Variants in RUBCNL observed in about 807,000 individuals in gnomAD.
The protein encoded by RUBCNL is protein associated with UVRAG as autophagy enhancer.
Under a neutral mutation model 69.5 loss-of-function variants are expected in RUBCNL, and 62 were observed. The observed-to-expected ratio is 0.89, with a 90% CI of 0.73 to 1.10. RUBCNL has a LOEUF of 1.10. Ranked by LOEUF, RUBCNL falls within the 50% of genes least tolerant of loss-of-function variation. RUBCNL has a pLI of 0.00. For missense variants in RUBCNL, 768 were observed against 798.1 expected, an observed-to-expected ratio of 0.96 and a Z score of 0.45; for synonymous variants, 291 against 303.6, an observed-to-expected ratio of 0.96 and a Z score of 0.43.
chr13:46,343,277 T>C lies in RUBCNL; in HGVS notation c.*108A>G. ...ATAAAGAGAATATAGACCATCTTTT[T>C]CCTTAATATACAATACCCAATATCT... On this transcript the variant is annotated 3_prime_UTR_variant, in exon 15 of 15. Transcript: ENST00000429979. The C allele has an allele frequency of 2.0e-6, 3 of 1,505,150 alleles. No homozygotes were observed. Among genetic ancestry groups the C allele is most frequent in the Non-Finnish European group, 2.7e-6 (3 of 1,107,638 alleles). The allele number at this position is 1,505,150 out of a possible 1,614,324, so 93.2% of individuals were successfully genotyped here. A position where few individuals can be genotyped will look rare whatever the true frequency, so the allele number is the denominator to read the frequency against.
chr13:46,363,120 A>G lies in RUBCNL; in HGVS notation c.920T>C (p.Ile307Thr), dbSNP rs757163130. The G allele has an allele frequency of 3.8e-6, 6 of 1,594,276 alleles. No homozygotes were observed. In the Admixed American group the frequency reaches 7.0e-5, roughly 19 times the overall value. The change falls in exon 6 of 15, where the codon ATT becomes ACT. Residue 307 changes from isoleucine (I) to threonine (T), a missense_variant. Coordinates refer to ENST00000429979, the MANE Select transcript of RUBCNL (RefSeq NM_025113.5). Reference sequence around the variant, plus strand: ...AAACAGTTTCCAAATCTTACCTAAAATAACAAATTCATCAACATCGCATTT... The same window carrying G: ...AAACAGTTTCCAAATCTTACCTAAAGTAACAAATTCATCAACATCGCATTT... ...ICKCDVDEFV[I>T]LELGDFNDIT...
chr13:46,356,071 A>C (rs1048204372), intron 10 of RUBCNL, among the ~76,000 whole-genome samples: 2 of 152,226 alleles, frequency 1.3e-5, no homozygotes, highest in African/African-American at 4.8e-5. Flanking sequence ...ATGTGAAAGA[A>C]GCAAAGGAAT....
rs1208985897 is a variant in RUBCNL at position 46,335,023 on chromosome 13, G to A, written c.*8362C>T. Among the ~76,000 whole-genome samples the A allele has an allele frequency of 5.9e-5, 9 of 151,980 alleles. No homozygotes were observed. The highest frequency in any genetic ancestry group is 1.4e-4 in the African/African-American group (6 of 41,394). ...GAAGAGAGGAACAGCTCAGGAAGTGGTGCAGGTCAAGCCCAACAGGAAACC... is the reference window on the plus strand; with the variant it reads ...GAAGAGAGGAACAGCTCAGGAAGTGATGCAGGTCAAGCCCAACAGGAAACC... On this transcript the variant is annotated 3_prime_UTR_variant, in exon 15 of 15. Coordinates refer to ENST00000429979, the MANE Select transcript of RUBCNL (RefSeq NM_025113.5).
chr13:46,357,332 C>CAAA (rs750289413), intron 9 of RUBCNL, among the ~76,000 whole-genome samples: 12 of 53,226 alleles, frequency 2.3e-4, no homozygotes, highest in East Asian at 5.6e-4. Flanking sequence ...GACTCCGTCT[C>CAAA]AAAAAAAAAA....
intron 14 of RUBCNL, 53 bp from the exon 15 acceptor site, chr13:46,343,550 T>C: frequency 6.4e-7 from 1 of 1,567,922 alleles, no homozygotes; most frequent in African/African-American, 1.4e-5. Flanking sequence ...TTTTCTCACA[T>C]TTCTGCAGAC....
chr13:46,368,138 A>C lies in RUBCNL; in HGVS notation c.730T>G (p.Leu244Val). 2 of 1,613,976 alleles carry C rather than the reference A, an allele frequency of 1.2e-6. No homozygotes were observed. The highest frequency in any genetic ancestry group is 1.7e-6 in the Non-Finnish European group (2 of 1,179,860). ...GAGTCAGGCTGATCACTCCCAAGTA[A>C]CCCACTGACTTCTTTACTCCAGCTC... ...TESWSKEVSG[L>V]LGSDQPDSEM... is the part of the protein sequence containing the mutation. The change falls in exon 5 of 15, where the codon TTA becomes GTA. Residue 244 changes from leucine to valine, a missense_variant. By Grantham distance (32) the Leu-to-Val change is conservative. Transcript: ENST00000429979.
At chr13:46,348,199 G>T (rs2048290580) in intron 12 of RUBCNL, among the ~76,000 whole-genome samples, 1 of 152,180 alleles carries the variant, frequency 6.6e-6, no homozygotes, top group Non-Finnish European at 1.5e-5. Context: ...GGAATGGGGA[G>T]TTGTTAAATG....
rs781252467 is a variant in RUBCNL at position 46,359,628 on chromosome 13, C to T, written c.1123G>A (p.Val375Ile). The change falls in exon 9 of 15, where the codon GTA (valine) becomes ATA (isoleucine). Residue 375 changes from valine to isoleucine, a missense_variant. Physicochemically the swap from Val to Ile is conservative, Grantham distance 29 (BLOSUM62 3). Coordinates refer to ENST00000429979, the MANE Select transcript of RUBCNL (RefSeq NM_025113.5). ...GSLSAAGSIV[V>I]NEECVRKDFE... ...TCTTTTCGGACACACTCTTCATTTA[C>T]GACCTGCATAAGACATAAAATGATT... is the stretch of plus-strand genomic sequence containing the variant. The T allele has an allele frequency of 3.5e-5, 56 of 1,583,060 alleles. No homozygotes were observed. The highest frequency in any genetic ancestry group is 1.7e-4 in the Middle Eastern group (1 of 6,018).
intron 12 of RUBCNL, among the ~76,000 whole-genome samples, chr13:46,347,797 C>T (rs964962307): frequency 1.3e-5 from 2 of 152,122 alleles, no homozygotes; most frequent in African/African-American, 4.8e-5. Flanking sequence ...CGAGACCATC[C>T]TGGCTAACAT....
intron 9 of RUBCNL, among the ~76,000 whole-genome samples, chr13:46,357,257 C>T (rs536765475): frequency 2.8e-5 from 4 of 144,826 alleles, no homozygotes; most frequent in South Asian, 2.3e-4. Flanking sequence ...GGCGTGAACC[C>T]GGGAGACGGA....
rs189505179 is a variant in RUBCNL, at chr13:46,339,275, G to A, written c.*4110C>T. Among the ~76,000 whole-genome samples the A allele has an allele frequency of 2.6e-5, 4 of 152,216 alleles. No individual in the cohort carries two copies. The highest frequency in any genetic ancestry group is 6.8e-3 in the Middle Eastern group (2 of 294). The stretch of plus-strand genomic sequence containing the variant: ...TAGTTTCTAGTGAAGTGAAAAAGGG[G>A]AACTACGGTTTTCCTTCCCATACCA... On this transcript the variant is annotated 3_prime_UTR_variant, in exon 15 of 15. Coordinates refer to ENST00000429979, the MANE Select transcript of RUBCNL (RefSeq NM_025113.5).
intron 1 of RUBCNL, among the ~76,000 whole-genome samples, chr13:46,385,666 C>CAAA (rs5803337): frequency 1.8e-4 from 22 of 119,176 alleles, no homozygotes; most frequent in African/African-American, 5.3e-4. Context: ...AAAGATCATG[C>CAAA]AAAAAAAAAA....
chr13:46,387,348 C>T (rs2138870941), upstream of RUBCNL: 1 of 985,566 alleles, frequency 1.0e-6, no homozygotes, highest in Non-Finnish European at 1.2e-6. Context: ...CTAGAAGCTC[C>T]TCAGGGAAGC....
Position 46,372,535 on chromosome 13 carries a change from T to C in RUBCNL, c.-60A>G, listed in dbSNP as rs1485334068. 6.6e-6 allele frequency: 10 copies of C among 1,519,876 alleles called. 1 individual carries two copies. The highest frequency in any genetic ancestry group is 6.3e-5 in the South Asian group (5 of 79,008). 94.1% of individuals were successfully genotyped at this position (1,519,876 alleles called of 1,614,324 possible). A position where few individuals can be genotyped will look rare whatever the true frequency, so the allele number is the denominator to read the frequency against. On this transcript the variant is annotated 5_prime_UTR_variant, in exon 3 of 15. Transcript: ENST00000429979. ...AAACAGATAGGAGTTCCCTGATTGC[T>C]GGTACTACTTGATTTGGGCCCTGAA...
chr13:46,358,504 C>T (rs937744501), intron 9 of RUBCNL, among the ~76,000 whole-genome samples: 4 of 152,106 alleles, frequency 2.6e-5, no homozygotes, highest in Non-Finnish European at 5.9e-5. Flanking sequence ...TCTTTTAGAA[C>T]TTTTGTTACT....
rs1009731456 is a variant in RUBCNL, at chr13:46,339,728, G to A, written c.*3657C>T. On this transcript the variant is annotated 3_prime_UTR_variant, in exon 15 of 15. Coordinates refer to ENST00000429979, the MANE Select transcript of RUBCNL (RefSeq NM_025113.5). ...ACAAAAATTATCCAGGCCTGGTGGCGTGCGCCTGCAATCCCAGCTACTCGG... is the reference window on the plus strand; with the variant it reads ...ACAAAAATTATCCAGGCCTGGTGGCATGCGCCTGCAATCCCAGCTACTCGG... 2.6e-5 allele frequency among the ~76,000 whole-genome samples: 4 copies of A among 152,022 alleles called. No individual in the cohort carries two copies. Among genetic ancestry groups the A allele is most frequent in the Admixed American group, 2.6e-4 (4 of 15,246 alleles).
At chr13:46,373,532 A>T (rs973168534) in intron 2 of RUBCNL, among the ~76,000 whole-genome samples, 4 of 152,028 alleles carry the variant, frequency 2.6e-5, no homozygotes, top group African/African-American at 9.7e-5. Flanking sequence ...AGACGTAATG[A>T]TTAAAATGTT....
chr13:46,375,005 C>G (rs1423715110), intron 2 of RUBCNL, among the ~76,000 whole-genome samples: 1 of 152,208 alleles, frequency 6.6e-6, no homozygotes, highest in Non-Finnish European at 1.5e-5. Flanking sequence ...ATCATTACCT[C>G]TCACATCACC....
In RUBCNL at chr13:46,387,146, G is replaced by A. The variant is rs1010615532; in HGVS notation, c.-251C>T. On this transcript the variant is annotated 5_prime_UTR_variant, in exon 1 of 15. Transcript: ENST00000429979. Reference sequence around the variant, plus strand: ...CCGCCAGCCTCACCCAGCCAAACCCGAGCGGTGGAACGCTGCGCTGGGTAA... The same window carrying A: ...CCGCCAGCCTCACCCAGCCAAACCCAAGCGGTGGAACGCTGCGCTGGGTAA... The A allele has an allele frequency of 4.1e-6, 4 of 985,070 alleles. No homozygotes were observed. The highest frequency in any genetic ancestry group is 3.5e-5 in the African/African-American group (2 of 57,106). The allele number at this position is 985,070 out of a possible 1,614,324, so 61.0% of individuals were successfully genotyped here. A position where few individuals can be genotyped will look rare whatever the true frequency, so the allele number is the denominator to read the frequency against.
Sources: gnomAD v4.1 joint callset for allele counts (sites outside exome capture counted in the v4.1 genomes callset) on GRCh38, gnomAD v4.1.1 for gene constraint, MANE v1.5 for transcripts, NCBI Gene and HGNC (gene_info 2026-07-23, HGNC 2026-07-21) for gene names.